RALGAPA2: variants seen among roughly 807,000 people sequenced by gnomAD.
The protein encoded by RALGAPA2 is ral GTPase-activating protein subunit alpha-2.
Under a neutral mutation model 230.4 loss-of-function variants are expected in RALGAPA2, and 139 were observed. That is an observed-to-expected ratio of 0.60 (90% CI 0.53 to 0.69). RALGAPA2 has a LOEUF of 0.69. Among genes scored for constraint, RALGAPA2 ranks in the 30% least tolerant of loss-of-function variants. RALGAPA2 has a pLI of 0.00. For missense variants in RALGAPA2, 2,163 were observed against 2,276.0 expected (o/e 0.95, Z 1.01); for synonymous variants, 847 against 837.8 (o/e 1.01, Z -0.19).
intron 36 of RALGAPA2, among the ~76,000 whole-genome samples, chr20:20,482,434 C>T (rs1158112641): frequency 6.6e-6 from 1 of 151,952 alleles, no homozygotes; most frequent in Non-Finnish European, 1.5e-5. Context: ...AGGAAGTGGT[C>T]ATGACAGTGG....
chr20:20,587,306 G>C (rs937922604), intron 18 of RALGAPA2, among the ~76,000 whole-genome samples: 5 of 152,106 alleles, frequency 3.3e-5, no homozygotes, highest in Admixed American at 2.6e-4. Context: ...CTGAGATGTT[G>C]TACTGTCCGA....
At chr20:20,535,377 G>A (rs952574581) in intron 26 of RALGAPA2, among the ~76,000 whole-genome samples, 9 of 152,150 alleles carry the variant, frequency 5.9e-5, no homozygotes, top group African/African-American at 1.9e-4. Context: ...GTCTCCTGGT[G>A]TAAAAGATCA....
At chr20:20,419,915 G>A (rs1264475854) in intron 37 of RALGAPA2, among the ~76,000 whole-genome samples, 3 of 152,172 alleles carry the variant, frequency 2.0e-5, no homozygotes, top group Non-Finnish European at 4.4e-5. Flanking sequence ...GATAGATGTC[G>A]CTCCTGCCAC....
intron 4 of RALGAPA2, among the ~76,000 whole-genome samples, chr20:20,653,018 C>A (rs1303840369): frequency 1.3e-5 from 2 of 151,532 alleles, no homozygotes; most frequent in Non-Finnish European, 2.9e-5. Flanking sequence ...TGGTGAAACC[C>A]CATCTCTACT....
intron 36 of RALGAPA2, among the ~76,000 whole-genome samples, chr20:20,493,502 T>TA (rs1370352828): frequency 6.6e-6 from 1 of 152,158 alleles, no homozygotes; most frequent in African/African-American, 2.4e-5. Context: ...ACTATCTTTT[T>TA]AAAAAATCAA....
At chr20:20,494,118 G>A (rs921866850) in intron 36 of RALGAPA2, among the ~76,000 whole-genome samples, 3 of 152,106 alleles carry the variant, frequency 2.0e-5, no homozygotes, top group African/African-American at 7.2e-5. Context: ...TCTGGACCAG[G>A]CACTGTTTGA....
chr20:20,472,914 C>T lies in RALGAPA2; in HGVS notation c.5410G>A (p.Gly1804Arg). 1.2e-6 allele frequency: 2 copies of T among 1,613,552 alleles called. No individual in the cohort carries two copies. The highest frequency in any genetic ancestry group is 2.2e-5 in the South Asian group (2 of 91,058). Residue 1804 changes from glycine to arginine, a missense_variant, in exon 37 of 40, where the codon GGG (glycine) becomes AGG (arginine). Physicochemically the swap from Gly to Arg is moderately radical, Grantham distance 125 (BLOSUM62 -2). Transcript: ENST00000202677. ...GPLFDGAIVS[G>R]KLLPSLVCAT... Reference sequence around the variant, plus strand: ...CATACAAGGCTTGGCAGCAGCTTCCCACTCACTATGGCTCCATCAAACAGA... The same window carrying T: ...CATACAAGGCTTGGCAGCAGCTTCCTACTCACTATGGCTCCATCAAACAGA...
rs1424844704 is a variant in RALGAPA2, at chr20:20,391,732, G to C, written c.*1557C>G. The C allele has an allele frequency of 6.6e-6, 1 of 152,406 alleles. No individual in the cohort carries two copies. Among genetic ancestry groups the C allele is most frequent in the East Asian group, 1.9e-4 (1 of 5,204 alleles). 9.4% of individuals were successfully genotyped at this position (152,406 alleles called of 1,614,324 possible). A position where few individuals can be genotyped will look rare whatever the true frequency, so the allele number is the denominator to read the frequency against. On this transcript the variant is annotated 3_prime_UTR_variant, in exon 40 of 40. Transcript: ENST00000202677. The stretch of plus-strand genomic sequence containing the variant: ...CCTCAGAAGGCTTCTTCAGGCCTGG[G>C]TGGCCAAGCAGCCTGAAGGTAACAA...
chr20:20,446,236 CCT>C (rs1322050221), intron 37 of RALGAPA2, among the ~76,000 whole-genome samples: 1 of 152,080 alleles, frequency 6.6e-6, no homozygotes, highest in African/African-American at 2.4e-5. Flanking sequence ...GAGATATCCC[CCT>C]CTCAACTTCC....
At chr20:20,483,374 T>C (rs548163693) in intron 36 of RALGAPA2, among the ~76,000 whole-genome samples, 2 of 152,284 alleles carry the variant, frequency 1.3e-5, no homozygotes, top group South Asian at 4.1e-4. Context: ...GAAAAGAAAC[T>C]GTTAAAGTTT....
At chr20:20,666,118 G>A (rs1171719879) in intron 3 of RALGAPA2, among the ~76,000 whole-genome samples, 3 of 152,200 alleles carry the variant, frequency 2.0e-5, no homozygotes, top group Non-Finnish European at 4.4e-5. Flanking sequence ...ATAGCCCCAT[G>A]TCATAAATGT....
Position 20,426,116 on chromosome 20 carries a change from A to G in RALGAPA2, c.5496-13968T>C, listed in dbSNP as rs549133368. 3.3e-5 allele frequency among the ~76,000 whole-genome samples: 5 copies of G among 152,334 alleles called. No homozygotes were observed. The East Asian group carries it at 9.6e-4, about 29-fold the overall frequency. On this transcript the variant is annotated intron_variant, in intron 37 of 39. Coordinates refer to ENST00000202677, the MANE Select transcript of RALGAPA2 (RefSeq NM_020343.4). ...GATGAGCGTGGAGAATATGGGTCTC[A>G]TTAATGTTATGGAAAGTAGTTTTGA...
chr20:20,436,130 T>G (rs2060606977), intron 37 of RALGAPA2, among the ~76,000 whole-genome samples: 1 of 152,220 alleles, frequency 6.6e-6, no homozygotes, highest in South Asian at 2.1e-4. Context: ...TTTCCCCGTC[T>G]GTCTGCCTAA....
intron 18 of RALGAPA2, among the ~76,000 whole-genome samples, chr20:20,585,878 A>G (rs1287324926): frequency 6.6e-6 from 1 of 152,200 alleles, no homozygotes; most frequent in Non-Finnish European, 1.5e-5. Flanking sequence ...AAAAGAAAAA[A>G]AAGAATGCCC....
At chr20:20,520,615 C>A (rs1028987678) in intron 31 of RALGAPA2, among the ~76,000 whole-genome samples, 1 of 152,154 alleles carries the variant, frequency 6.6e-6, no homozygotes, top group Admixed American at 6.5e-5. Context: ...CTGGACTTCA[C>A]TGTGTGTTTT....
chr20:20,438,882 G>A (rs1210099793), intron 37 of RALGAPA2, among the ~76,000 whole-genome samples: 5 of 151,970 alleles, frequency 3.3e-5, no homozygotes, highest in African/African-American at 1.2e-4. Flanking sequence ...AAATCCTTTA[G>A]AAAAAAAGGC....
chr20:20,523,616 A>C (rs1200220724), intron 30 of RALGAPA2, among the ~76,000 whole-genome samples: 2 of 152,212 alleles, frequency 1.3e-5, no homozygotes, highest in African/African-American at 4.8e-5. Context: ...AGAAAAGATA[A>C]ACATTTAAGA....
chr20:20,553,453 G>A, intron 23 of RALGAPA2, among the ~76,000 whole-genome samples: 1 of 152,094 alleles, frequency 6.6e-6, no homozygotes, highest in East Asian at 1.9e-4. Context: ...TTGGGAAGAT[G>A]AGATGGGAGG....
At chr20:20,627,264 T>C (rs551517335) in intron 10 of RALGAPA2, among the ~76,000 whole-genome samples, 1 of 152,182 alleles carries the variant, frequency 6.6e-6, no homozygotes, top group East Asian at 1.9e-4. Context: ...GAGAGGGAGA[T>C]GGGGAACCTA....
Sources: gnomAD v4.1 joint callset for allele counts (sites outside exome capture counted in the v4.1 genomes callset) on GRCh38, gnomAD v4.1.1 for gene constraint, MANE v1.5 for transcripts, NCBI Gene and HGNC (gene_info 2026-07-23, HGNC 2026-07-21) for gene names.